The following AGBL3 variants were observed in gnomAD, a reference collection of about 807,000 sequenced individuals.
AGBL3 encodes AGBL carboxypeptidase 3.
AGBL3 carries 68 observed loss-of-function variants against 94.5 expected under a neutral mutation model. The ratio of observed to expected loss-of-function variants is 0.72; its 90% CI spans 0.59 to 0.88. The LOEUF is 0.88. Among genes scored for constraint, AGBL3 ranks in the 40% least tolerant of loss-of-function variants. AGBL3 has a pLI of 0.00. For missense variants in AGBL3, 934 were observed against 1,103.8 expected (o/e 0.85, Z 2.18); for synonymous variants, 354 against 370.7 (o/e 0.95, Z 0.52).
chr7:134,995,781 G>A (rs568007784), intron 4 of AGBL3, among the ~76,000 whole-genome samples: 2 of 152,312 alleles, frequency 1.3e-5, no homozygotes, highest in Non-Finnish European at 2.9e-5. Flanking sequence ...GCAAGGTATA[G>A]TCATGCTGGA....
intron 15 of AGBL3, among the ~76,000 whole-genome samples, chr7:135,084,497 C>T (rs1413395054): frequency 6.6e-6 from 1 of 152,052 alleles, no homozygotes; most frequent in East Asian, 1.9e-4. Flanking sequence ...CTTTCCACCC[C>T]TCTATCCTTC....
intron 4 of AGBL3, among the ~76,000 whole-genome samples, chr7:134,994,593 C>A (rs1032030043): frequency 6.6e-6 from 1 of 152,066 alleles, no homozygotes; most frequent in Non-Finnish European, 1.5e-5. Flanking sequence ...TATGGACACT[C>A]ATTGGTGAAT....
chr7:135,087,529 T>C (rs924454750), intron 15 of AGBL3, among the ~76,000 whole-genome samples: 1 of 152,078 alleles, frequency 6.6e-6, no homozygotes, highest in Non-Finnish European at 1.5e-5. Context: ...GTATGTTGTG[T>C]TTCTATTTAC....
chr7:135,015,221 C>A lies in AGBL3; in HGVS notation c.311-1831C>A, dbSNP rs927507059. 7.9e-5 allele frequency among the ~76,000 whole-genome samples: 12 copies of A among 152,100 alleles called. No individual in the cohort carries two copies. In the East Asian group the frequency reaches 2.3e-3, roughly 29 times the overall value. On this transcript the variant is annotated intron_variant, in intron 4 of 16. Transcript: ENST00000436302. ...AATCTTGAAATGCTTAATTTCAAGC[C>A]AAAATCTTCTACTTAAACAACGCTT... is the stretch of plus-strand genomic sequence containing the variant.
intron 16 of AGBL3, among the ~76,000 whole-genome samples, chr7:135,121,415 C>T (rs1225473055): frequency 2.6e-5 from 4 of 152,062 alleles, no homozygotes; most frequent in Non-Finnish European, 4.4e-5. Context: ...TTCAAGTGTA[C>T]GTGGATCATA....
chr7:135,033,039 T>C (rs1333060815), intron 6 of AGBL3, 57 bp downstream of exon 6: 7 of 1,430,874 alleles, frequency 4.9e-6, no homozygotes, highest in African/African-American at 2.9e-5. Flanking sequence ...ATTTTCTGTA[T>C]CAAGTACATT....
chr7:135,046,731 C>T (rs970236970), intron 11 of AGBL3, among the ~76,000 whole-genome samples: 1 of 152,094 alleles, frequency 6.6e-6, no homozygotes, highest in Non-Finnish European at 1.5e-5. Flanking sequence ...TACTGAAGGA[C>T]ATCTTGGTTG....
intron 1 of AGBL3, 48 bp from the exon 2 acceptor site, chr7:134,987,827 G>GT: frequency 1.3e-6 from 1 of 772,336 alleles, no homozygotes; most frequent in South Asian, 1.7e-5. Context: ...ATTTAATGTA[G>GT]TAAACACCTA....
chr7:135,089,165 T>C (rs1821574743), intron 15 of AGBL3, among the ~76,000 whole-genome samples: 1 of 152,188 alleles, frequency 6.6e-6, no homozygotes, highest in Admixed American at 6.5e-5. Flanking sequence ...CTCTTTATTG[T>C]AATTTTTATT....
intron 15 of AGBL3, among the ~76,000 whole-genome samples, chr7:135,097,861 C>T (rs898034981): frequency 6.6e-6 from 1 of 151,988 alleles, no homozygotes; most frequent in Non-Finnish European, 1.5e-5. Flanking sequence ...AAATATGTCA[C>T]CAGAAAGGAG....
intron 15 of AGBL3, among the ~76,000 whole-genome samples, chr7:135,091,549 T>C (rs1004281544): frequency 2.6e-5 from 4 of 152,228 alleles, no homozygotes; most frequent in Non-Finnish European, 4.4e-5. Context: ...TTGTTCTTTT[T>C]GAGGGCTGTG....
intron 11 of AGBL3, among the ~76,000 whole-genome samples, chr7:135,058,001 A>C (rs1035693286): frequency 6.6e-6 from 1 of 152,220 alleles, no homozygotes. Flanking sequence ...TACTGTAATG[A>C]TGGCTATATA....
chr7:135,059,171 G>A lies in AGBL3; in HGVS notation c.1844G>A (p.Ser615Asn). 1 of 1,549,960 alleles carries A rather than the reference G, an allele frequency of 6.5e-7. No individual in the cohort carries two copies. Among genetic ancestry groups the A allele is most frequent in the South Asian group, 1.2e-5 (1 of 83,726 alleles). The change falls in exon 12 of 17, where the codon AGC becomes AAC. Residue 615 changes from serine (S) to asparagine (N), a missense_variant and splice_region_variant. This residue lies in a region of AGBL3 where 441 missense variants were observed against 518.2 expected (regional missense o/e 0.85). Transcript: ENST00000436302. ...IDITLDVESS[S>N]RGSDSSESID... ...AACCAAAATTATTTTTTTTGTAGTAGCCGAGGCTCTGACAGTTCAGAATCC... is the reference window on the plus strand; with the variant it reads ...AACCAAAATTATTTTTTTTGTAGTAACCGAGGCTCTGACAGTTCAGAATCC...
chr7:135,124,598 C>T (rs180754462), intron 16 of AGBL3, among the ~76,000 whole-genome samples: 2 of 152,326 alleles, frequency 1.3e-5, no homozygotes, highest in Admixed American at 1.3e-4. Context: ...AATATACGTT[C>T]TTCTCTGTGC....
chr7:134,993,641 C>A lies in AGBL3; in HGVS notation c.273C>A (p.Tyr91Ter). The change falls in exon 4 of 17, where the codon TAC (tyrosine) becomes TAA (stop). Residue 91 changes from tyrosine (Y) to a stop codon, truncating the protein, a stop_gained. Coordinates refer to ENST00000436302, the MANE Select transcript of AGBL3 (RefSeq NM_178563.4). LOFTEE classifies it high-confidence loss of function. ...CATTGAGCCCAACACGGTGGCCATA[C>A]CATTGTGAAGTCATCGATGAAAAAG... ...SGPLSPTRWP[Y>*]HCEVIDEKVQ... 1 of 1,551,952 alleles carries A rather than the reference C, an allele frequency of 6.4e-7. No homozygotes were observed.
At position 135,034,567 on chromosome 7, in the gene AGBL3, C is replaced by T. The variant is rs192567465; in HGVS notation, c.976C>T (p.Arg326Cys). The change falls in exon 7 of 17, where the codon CGT becomes TGT. Residue 326 changes from arginine to cysteine, a missense_variant. Around this residue, in one of 3 missense-constraint regions of AGBL3, gnomAD observed 488 missense variants for 563.6 expected, o/e 0.87. Coordinates refer to ENST00000436302, the MANE Select transcript of AGBL3 (RefSeq NM_178563.4). Reference sequence around the variant, plus strand: ...AGTACGGTCAAAGTTTTGTAAAATACGTGTTTTGTGCCACACGCTTGCTAG... The same window carrying T: ...AGTACGGTCAAAGTTTTGTAAAATATGTGTTTTGTGCCACACGCTTGCTAG... ...DPVRSKFCKIRVLCHTLARNM... is the reference protein window; with the variant it reads ...DPVRSKFCKICVLCHTLARNM... The T allele has an allele frequency of 1.7e-5, 26 of 1,551,792 alleles. No individual in the cohort carries two copies. The highest frequency in any genetic ancestry group is 3.3e-4 in the Middle Eastern group (2 of 5,996).
chr7:135,090,352 G>T (rs1821674241), intron 15 of AGBL3, among the ~76,000 whole-genome samples: 1 of 152,142 alleles, frequency 6.6e-6, no homozygotes, highest in African/African-American at 2.4e-5. Flanking sequence ...GACTCTAAGG[G>T]GCTAGTTCAA....
intron 11 of AGBL3, among the ~76,000 whole-genome samples, chr7:135,058,060 C>T (rs1012367775): frequency 1.3e-5 from 2 of 152,006 alleles, no homozygotes; most frequent in African/African-American, 4.8e-5. Flanking sequence ...CAAGAGTAAA[C>T]CCTAAGGTAA....
intron 15 of AGBL3, among the ~76,000 whole-genome samples, chr7:135,097,691 TA>T (rs1167822222): frequency 6.6e-6 from 1 of 152,218 alleles, no homozygotes; most frequent in African/African-American, 2.4e-5. Flanking sequence ...CCTGAAAACA[TA>T]CAGAAGCACT....
Sources: gnomAD v4.1 joint callset for allele counts (sites outside exome capture counted in the v4.1 genomes callset) on GRCh38, gnomAD v4.1.1 for gene constraint, gnomAD v4.1.1 regional missense constraint, MANE v1.5 for transcripts, NCBI Gene and HGNC (gene_info 2026-07-23, HGNC 2026-07-21) for gene names.